Variants in TIAM1 observed in about 807,000 individuals in gnomAD.
TIAM1 encodes the protein rho guanine nucleotide exchange factor TIAM1.
A neutral mutation model predicts 163.5 loss-of-function variants in TIAM1; 65 were observed. The ratio of observed to expected loss-of-function variants is 0.40; its 90% CI spans 0.33 to 0.49. The LOEUF is 0.49. TIAM1 is among the 20% of genes least tolerant of loss of function. The pLI is 0.77. For synonymous variants in TIAM1, 833 were observed against 810.1 expected (o/e 1.03, Z -0.48); for missense variants, 1,789 against 2,044.7 (o/e 0.87, Z 2.41).
At chr21:31,379,558 C>T (rs2076743401) in intron 2 of TIAM1, among the ~76,000 whole-genome samples, 1 of 151,552 alleles carries the variant, frequency 6.6e-6, no homozygotes. Flanking sequence ...CGTATGTCCA[C>T]ACAAAAGCTT....
intron 1 of TIAM1, among the ~76,000 whole-genome samples, chr21:31,469,277 G>A (rs1474334966): frequency 6.6e-6 from 1 of 151,296 alleles, no homozygotes; most frequent in Admixed American, 6.6e-5. Context: ...GCAGCAGGGG[G>A]GTTGGTAGAG....
At chr21:31,460,353 G>A (rs907191323) in intron 2 of TIAM1, among the ~76,000 whole-genome samples, 8 of 152,304 alleles carry the variant, frequency 5.3e-5, no homozygotes, top group South Asian at 2.1e-4. Flanking sequence ...AAGGTTGGGC[G>A]TGGTGGCTCA....
At chr21:31,217,206 C>CA (rs113271826) in intron 9 of TIAM1, among the ~76,000 whole-genome samples, 4,988 of 127,378 alleles carry the variant, frequency 0.039, 276 homozygotes, top group African/African-American at 0.12. Context: ...ACTCTGTCTC[C>CA]AAAAAAAAAA....
At chr21:31,388,966 T>C (rs373780091) in intron 2 of TIAM1, among the ~76,000 whole-genome samples, 29 of 152,246 alleles carry the variant, frequency 1.9e-4, no homozygotes, top group African/African-American at 6.7e-4. Context: ...TCAGAAAACT[T>C]TCTCTGCAAA....
chr21:31,364,502 G>A (rs897925436), intron 2 of TIAM1, among the ~76,000 whole-genome samples: 7 of 152,302 alleles, frequency 4.6e-5, no homozygotes, highest in African/African-American at 1.4e-4. Flanking sequence ...AGTGGAGAAG[G>A]TTATATTTGA....
intron 20 of TIAM1, among the ~76,000 whole-genome samples, chr21:31,142,640 AAAAAAAG>A (rs2082905090): frequency 6.6e-6 from 1 of 151,164 alleles, no homozygotes; most frequent in African/African-American, 2.4e-5. Context: ...CAAAAAAAAA[AAAAAAAG>A]AAAGAAAAAA....
chr21:31,291,244 A>C (rs1406925326), intron 2 of TIAM1, among the ~76,000 whole-genome samples: 1 of 152,240 alleles, frequency 6.6e-6, no homozygotes, highest in African/African-American at 2.4e-5. Flanking sequence ...CTGGAAGAAT[A>C]AAGGCTAACA....
At chr21:31,216,195 A>C (rs1299188108) in intron 9 of TIAM1, among the ~76,000 whole-genome samples, 2 of 151,950 alleles carry the variant, frequency 1.3e-5, no homozygotes, top group East Asian at 3.9e-4. Flanking sequence ...AAACCAAAAA[A>C]CCAATGAGTA....
At chr21:31,157,899 A>C (rs535964535) in intron 16 of TIAM1, among the ~76,000 whole-genome samples, 1 of 152,332 alleles carries the variant, frequency 6.6e-6, no homozygotes, top group East Asian at 1.9e-4. Flanking sequence ...ATCGTGATTC[A>C]CGAAAGGCAA....
At chr21:31,311,158 TG>T (rs1352835505) in intron 2 of TIAM1, among the ~76,000 whole-genome samples, 2 of 129,088 alleles carry the variant, frequency 1.5e-5, no homozygotes, top group Non-Finnish European at 1.6e-5. Context: ...ATGGTTTTTT[TG>T]TTTGTTTGTT....
At chr21:31,369,185 C>G (rs1019522460) in intron 2 of TIAM1, among the ~76,000 whole-genome samples, 1 of 144,152 alleles carries the variant, frequency 6.9e-6, no homozygotes, top group Non-Finnish European at 1.5e-5. Context: ...GAGATTGTGC[C>G]ACTGCACTCC....
Position 31,225,709 on chromosome 21 carries a change from C to T in TIAM1, c.1809+17G>A. 1.3e-6 allele frequency: 2 copies of T among 1,561,136 alleles called. No individual in the cohort carries two copies. The highest frequency in any genetic ancestry group is 1.1e-5 in the South Asian group (1 of 89,982). On this transcript the variant is annotated intron_variant, in intron 7 of 27. Coordinates refer to ENST00000541036, the MANE Select transcript of TIAM1 (RefSeq NM_001353694.2). ...CCTAACAATTTTGTCCGGACCTAAA[C>T]ACGGAAGAACGATTACCTGATCTAA... is the stretch of plus-strand genomic sequence containing the variant.
intron 2 of TIAM1, among the ~76,000 whole-genome samples, chr21:31,396,711 A>G (rs2077077496): frequency 6.6e-6 from 1 of 151,736 alleles, no homozygotes; most frequent in South Asian, 2.1e-4. Context: ...GCACTTTGGG[A>G]GGCCAAGGTG....
intron 20 of TIAM1, among the ~76,000 whole-genome samples, chr21:31,145,786 G>GT (rs138389978): frequency 0.12 from 18,447 of 152,184 alleles, 1,217 homozygotes; most frequent in Non-Finnish European, 0.15. Context: ...AAGGTATACG[G>GT]TAAGTCCTCA....
intron 19 of TIAM1, among the ~76,000 whole-genome samples, chr21:31,148,950 G>A (rs2083255006): frequency 1.2e-5 from 1 of 81,690 alleles, no homozygotes; most frequent in Non-Finnish European, 2.4e-5. Flanking sequence ...ATTTTAACAA[G>A]TTTTTCTTTT....
intron 13 of TIAM1, among the ~76,000 whole-genome samples, chr21:31,194,321 T>C (rs1170003377): frequency 1.3e-5 from 2 of 152,148 alleles, no homozygotes; most frequent in African/African-American, 4.8e-5. Context: ...TGGGTCTTCC[T>C]AGTGAATCAG....
chr21:31,444,240 G>T (rs1231492495), intron 2 of TIAM1, among the ~76,000 whole-genome samples: 2 of 152,102 alleles, frequency 1.3e-5, no homozygotes, highest in African/African-American at 2.4e-5. Context: ...CTAAAATTTA[G>T]AATTCGCACT....
At chr21:31,269,538 G>A (rs191804793) in intron 3 of TIAM1, among the ~76,000 whole-genome samples, 5 of 152,278 alleles carry the variant, frequency 3.3e-5, no homozygotes, top group South Asian at 2.1e-4. Flanking sequence ...TGGGATCAGC[G>A]GAGGACTCTG....
At chr21:31,367,903 C>G (rs1041500029) in intron 2 of TIAM1, among the ~76,000 whole-genome samples, 2 of 152,130 alleles carry the variant, frequency 1.3e-5, no homozygotes, top group African/African-American at 4.8e-5. Flanking sequence ...TGTTTATCTT[C>G]CCTAAACTGC....
Sources: gnomAD v4.1 joint callset for allele counts (sites outside exome capture counted in the v4.1 genomes callset) on GRCh38, gnomAD v4.1.1 for gene constraint, MANE v1.5 for transcripts, NCBI Gene and HGNC (gene_info 2026-07-23, HGNC 2026-07-21) for gene names.